The following LARP4B variants were observed in gnomAD, a reference collection of about 807,000 sequenced individuals.
LARP4B encodes the protein La ribonucleoprotein 4B.
A neutral mutation model predicts 89.8 loss-of-function variants in LARP4B; 12 were observed. The ratio of observed to expected loss-of-function variants is 0.13; its 90% CI spans 0.09 to 0.22. The LOEUF (loss-of-function observed/expected upper bound fraction) is 0.22. LARP4B is among the 10% of genes least tolerant of loss of function. The probability of loss-of-function intolerance (pLI) is 1.00; values close to 1 mark genes in which losing one functional copy is unlikely to be tolerated. For missense variants in LARP4B, 757 were observed against 947.7 expected (o/e 0.80, Z 2.64); for synonymous variants, 367 against 363.3 (o/e 1.01, Z -0.12).
At chr10:840,084 G>A (rs1293598619) in intron 7 of LARP4B, among the ~76,000 whole-genome samples, 1 of 152,076 alleles carries the variant, frequency 6.6e-6, no homozygotes, top group East Asian at 1.9e-4. Context: ...CGTAGTGACA[G>A]GAAGCAAATC....
chr10:881,273 C>T lies in LARP4B; in HGVS notation c.141+3174G>A, dbSNP rs192888071. ...CCTCAAAACCCTTTCAATCCCCTCTCGCCTTCTATCACCTTACCTTCAAAG... is the reference window on the plus strand; with the variant it reads ...CCTCAAAACCCTTTCAATCCCCTCTTGCCTTCTATCACCTTACCTTCAAAG... On this transcript the variant is annotated intron_variant, in intron 3 of 17. Transcript: ENST00000316157. 2.3e-3 allele frequency among the ~76,000 whole-genome samples: 345 copies of T among 152,282 alleles called. 1 individual carries two copies. Among genetic ancestry groups the T allele is most frequent in the African/African-American group, 7.9e-3 (327 of 41,546 alleles).
intron 3 of LARP4B, among the ~76,000 whole-genome samples, chr10:868,560 T>A (rs1219414331): frequency 6.6e-6 from 1 of 152,226 alleles, no homozygotes; most frequent in Non-Finnish European, 1.5e-5. Flanking sequence ...ATTTATGCTC[T>A]TTGTTGATGT....
rs541074140 is a variant in LARP4B at position 844,870 on chromosome 10, T to C, written c.509+107A>G. 1.1e-5 allele frequency: 8 copies of C among 734,470 alleles called. No individual in the cohort carries two copies. In the East Asian group the frequency reaches 1.6e-4, roughly 15 times the overall value. The allele number at this position is 734,470 out of a possible 1,614,324, so 45.5% of individuals were successfully genotyped here. A position where few individuals can be genotyped will look rare whatever the true frequency, so the allele number is the denominator to read the frequency against. On this transcript the variant is annotated intron_variant, in intron 6 of 17. Coordinates refer to ENST00000316157, the MANE Select transcript of LARP4B (RefSeq NM_015155.3). ...TTCCACGTCTTCATATACATATATATGGATATGAGTAGATACTCCTTCATA... is the reference window on the plus strand; with the variant it reads ...TTCCACGTCTTCATATACATATATACGGATATGAGTAGATACTCCTTCATA...
chr10:814,012 A>G lies in LARP4B; in HGVS notation c.1929+730T>C, dbSNP rs960295850. Among the ~76,000 whole-genome samples, 5 of 152,078 alleles carry G rather than the reference A, an allele frequency of 3.3e-5. No homozygotes were observed. Among genetic ancestry groups the G allele is most frequent in the African/African-American group, 1.2e-4 (5 of 41,404 alleles). Reference sequence around the variant, plus strand: ...GAGACAGGGTTTCACCATGTTGTTCAGGACTGTCTGGATCTCCTGACCGCA... The same window carrying G: ...GAGACAGGGTTTCACCATGTTGTTCGGGACTGTCTGGATCTCCTGACCGCA... On this transcript the variant is annotated intron_variant, in intron 17 of 17. Transcript: ENST00000316157. The surrounding 1 kb of genome is among the most constrained non-coding windows in gnomAD (Gnocchi z 4.4).
intron 1 of LARP4B, among the ~76,000 whole-genome samples, chr10:919,663 G>A (rs1004221053): frequency 1.3e-5 from 2 of 152,172 alleles, no homozygotes; most frequent in African/African-American, 4.8e-5. Context: ...GGCCAGGAGA[G>A]CTCACAGCAA....
At chr10:911,115 G>A (rs1328415125) in intron 1 of LARP4B, among the ~76,000 whole-genome samples, 1 of 152,166 alleles carries the variant, frequency 6.6e-6, no homozygotes, top group Admixed American at 6.5e-5. Context: ...AAGTGGAGCC[G>A]CCTAACACAG....
chr10:861,948 T>C (rs1264949789), intron 5 of LARP4B, among the ~76,000 whole-genome samples: 1 of 152,222 alleles, frequency 6.6e-6, no homozygotes, highest in African/African-American at 2.4e-5. Flanking sequence ...TGAGCATTCC[T>C]TTCCTTTGCC....
chr10:868,273 A>G (rs1835018607), intron 3 of LARP4B, among the ~76,000 whole-genome samples: 2 of 151,996 alleles, frequency 1.3e-5, no homozygotes, highest in South Asian at 4.2e-4. Context: ...CAGATGCACT[A>G]AAAAGCTTAG....
At chr10:900,140 G>A (rs1199904884) in intron 1 of LARP4B, among the ~76,000 whole-genome samples, 1 of 152,094 alleles carries the variant, frequency 6.6e-6, no homozygotes, top group Non-Finnish European at 1.5e-5. Context: ...GAGGTCAGGA[G>A]TTTGAGACAA....
At position 814,448 on chromosome 10, in the gene LARP4B, A is replaced by G. The variant is rs1831912254; in HGVS notation, c.1929+294T>C. 2.2e-6 allele frequency: 1 copy of G among 462,858 alleles called. No individual in the cohort carries two copies. The highest frequency in any genetic ancestry group is 4.1e-6 in the Non-Finnish European group (1 of 244,910). The allele number at this position is 462,858 out of a possible 1,614,324, so 28.7% of individuals were successfully genotyped here. ...ACGCGCGAAATGCTGAAATGATCCT[A>G]AAGTCTATGGAGAAACAGGAGCTGG... On this transcript the variant is annotated intron_variant, in intron 17 of 17. Transcript: ENST00000316157. The surrounding 1 kb of genome is among the most constrained non-coding windows in gnomAD (Gnocchi z 4.4).
At chr10:928,146 C>T (rs899994192) in intron 1 of LARP4B, among the ~76,000 whole-genome samples, 4 of 151,482 alleles carry the variant, frequency 2.6e-5, no homozygotes, top group South Asian at 2.1e-4. Flanking sequence ...CACCTGAACC[C>T]GAGAGGCGGA....
At chr10:827,723 T>G (rs1286566934) in intron 11 of LARP4B, among the ~76,000 whole-genome samples, 2 of 152,136 alleles carry the variant, frequency 1.3e-5, no homozygotes, top group East Asian at 1.9e-4. Context: ...AAGAAGCAAC[T>G]GCTGCAGGAA....
chr10:845,485 G>C (rs1258322368), intron 5 of LARP4B, among the ~76,000 whole-genome samples: 1 of 152,154 alleles, frequency 6.6e-6, no homozygotes, highest in Non-Finnish European at 1.5e-5. Context: ...GATCAAACAG[G>C]CTCTAGGACT....
At chr10:835,721 T>C (rs562967057) in intron 8 of LARP4B, among the ~76,000 whole-genome samples, 1 of 152,286 alleles carries the variant, frequency 6.6e-6, no homozygotes, top group South Asian at 2.1e-4. Context: ...GATTATGAGG[T>C]CAGGAGTTCC....
the LARP4B span, chr10:942,173 C>T: frequency 6.6e-6 from 1 of 152,088 alleles, no homozygotes; most frequent in African/African-American, 2.4e-5. Flanking sequence ...TCTATTTTTC[C>T]CTTGCCTGTT....
chr10:949,072 G>A, the LARP4B span, among the ~76,000 whole-genome samples: 1 of 152,350 alleles, frequency 6.6e-6, no homozygotes, highest in East Asian at 1.9e-4. Flanking sequence ...TTAAGAAACT[G>A]CCAACCCGTT....
intron 6 of LARP4B, among the ~76,000 whole-genome samples, chr10:844,704 T>C (rs979849645): frequency 3.9e-5 from 6 of 152,086 alleles, no homozygotes; most frequent in African/African-American, 1.4e-4. Context: ...AACTTCAGTG[T>C]GAGGAAGTCT....
the LARP4B span, among the ~76,000 whole-genome samples, chr10:951,500 C>T: frequency 4.6e-5 from 7 of 151,900 alleles, no homozygotes; most frequent in African/African-American, 7.3e-5. Context: ...GAGCCGAGAT[C>T]GCGCCACTGC....
chr10:826,597 A>AAAAC (rs879892392), intron 11 of LARP4B, among the ~76,000 whole-genome samples: 1 of 152,328 alleles, frequency 6.6e-6, no homozygotes, highest in Admixed American at 6.5e-5. Flanking sequence ...AGTTCCTTTA[A>AAAAC]AAACAAACAA....
Sources: allele counts gnomAD v4.1 joint callset (sites outside exome capture counted in the v4.1 genomes callset), GRCh38; gene constraint gnomAD v4.1.1; non-coding constraint Gnocchi (gnomAD v3.1); transcripts MANE v1.5; gene names NCBI Gene and HGNC (gene_info 2026-07-23, HGNC 2026-07-21).